Variants in PAPSS2 observed in about 807,000 individuals in gnomAD.
The protein encoded by PAPSS2 is 3'-phosphoadenosine 5'-phosphosulfate synthase 2.
PAPSS2 carries 61 observed loss-of-function variants against 66.5 expected under a neutral mutation model. The observed-to-expected ratio is 0.92, with a 90% CI of 0.75 to 1.14. The LOEUF (loss-of-function observed/expected upper bound fraction) is 1.14, where lower values mean the gene tolerates loss of function less well. PAPSS2 is among the 50% of genes most tolerant of loss of function. The pLI is 0.00. For synonymous variants in PAPSS2, 289 were observed against 287.5 expected, an observed-to-expected ratio of 1.01 and a Z score of -0.05; for missense variants, 708 against 789.6, an observed-to-expected ratio of 0.90 and a Z score of 1.24.
intron 1 of PAPSS2, among the ~76,000 whole-genome samples, chr10:87,670,576 GCACACA>G (rs3221014): frequency 6.7e-6 from 1 of 149,734 alleles, no homozygotes; most frequent in East Asian, 2.0e-4. Flanking sequence ...AAAAGATGGA[GCACACA>G]CACACACACA....
Position 87,672,454 on chromosome 10 carries a change from C to T in PAPSS2, c.27+12446C>T, listed in dbSNP as rs117312375. Among the ~76,000 whole-genome samples the T allele has an allele frequency of 5.7e-4, 87 of 152,288 alleles. No individual in the cohort carries two copies. In the East Asian group the frequency reaches 0.016, roughly 28 times the overall value. ...GATCCTTGGAGTAGAGGAAGTTGTA[C>T]ATTCAAGGTTTTCTACCCTTTTTGT... is the stretch of plus-strand genomic sequence containing the variant. On this transcript the variant is annotated intron_variant, in intron 1 of 12. Coordinates refer to ENST00000456849, the MANE Select transcript of PAPSS2 (RefSeq NM_001015880.2).
intron 1 of PAPSS2, among the ~76,000 whole-genome samples, chr10:87,665,235 A>G (rs1214957267): frequency 1.3e-5 from 2 of 150,786 alleles, no homozygotes; most frequent in Non-Finnish European, 2.9e-5. Flanking sequence ...TTTTGGAGAC[A>G]GAGTCTCGCA....
At chr10:87,668,160 A>G (rs1852836010) in intron 1 of PAPSS2, among the ~76,000 whole-genome samples, 1 of 152,212 alleles carries the variant, frequency 6.6e-6, no homozygotes, top group African/African-American at 2.4e-5. Context: ...TAAGCAACTC[A>G]AGCATTAGTG....
At position 87,745,933 on chromosome 10, in the gene PAPSS2, T is replaced by C. The variant is rs753697650; in HGVS notation, c.1823T>C (p.Val608Ala). The C allele has an allele frequency of 6.2e-7, 1 of 1,614,046 alleles. No homozygotes were observed. Among genetic ancestry groups the C allele is most frequent in the Non-Finnish European group, 8.5e-7 (1 of 1,179,948 alleles). Residue 608 changes from valine to alanine, a missense_variant, in exon 13 of 13, where the codon GTC becomes GCC. Val to Ala is a moderately conservative substitution (Grantham distance 64). Coordinates refer to ENST00000456849, the MANE Select transcript of PAPSS2 (RefSeq NM_001015880.2). ...DGFMAPKAWK[V>A]LTDYYRSLEK... Reference sequence around the variant, plus strand: ...TTCATGGCCCCCAAAGCATGGAAGGTCCTGACAGATTATTACAGGTCCCTG... The same window carrying C: ...TTCATGGCCCCCAAAGCATGGAAGGCCCTGACAGATTATTACAGGTCCCTG...
rs752864569 is a variant in PAPSS2 at position 87,744,992 on chromosome 10, C to T, written c.1492-10C>T. 4.7e-5 allele frequency: 75 copies of T among 1,611,806 alleles called. No individual in the cohort carries two copies. The highest frequency in any genetic ancestry group is 6.4e-5 in the Non-Finnish European group (75 of 1,178,068). On this transcript the variant is annotated splice_polypyrimidine_tract_variant and intron_variant, in intron 11 of 12. Coordinates refer to ENST00000456849, the MANE Select transcript of PAPSS2 (RefSeq NM_001015880.2). ...CAATGACCAGCATGTCCCTTATGGA[C>T]ATTTTCTAGGTCCAGTGGCACTGCA...
At chr10:87,692,600 GA>G (rs1234417862) in intron 1 of PAPSS2, among the ~76,000 whole-genome samples, 3 of 152,202 alleles carry the variant, frequency 2.0e-5, no homozygotes, top group Non-Finnish European at 2.9e-5. Flanking sequence ...TGCTGTTTTA[GA>G]GATTATTGGC....
chr10:87,707,736 A>G (rs1853411103), intron 1 of PAPSS2, among the ~76,000 whole-genome samples: 1 of 151,238 alleles, frequency 6.6e-6, no homozygotes, highest in Non-Finnish European at 1.5e-5. Context: ...TGCCTGGCTA[A>G]TATGTTTTTA....
At chr10:87,688,100 T>C (rs1853111127) in intron 1 of PAPSS2, among the ~76,000 whole-genome samples, 1 of 152,144 alleles carries the variant, frequency 6.6e-6, no homozygotes, top group African/African-American at 2.4e-5. Context: ...ACTGGAATCT[T>C]ACTATAAAGT....
intron 9 of PAPSS2, among the ~76,000 whole-genome samples, chr10:87,740,232 C>T (rs568806579): frequency 2.0e-4 from 30 of 152,222 alleles, no homozygotes; most frequent in African/African-American, 7.0e-4. Flanking sequence ...CCACCATAAG[C>T]TTGGCAGATT....
chr10:87,717,318 A>T (rs1212837395), intron 7 of PAPSS2, among the ~76,000 whole-genome samples: 1 of 152,208 alleles, frequency 6.6e-6, no homozygotes, highest in African/African-American at 2.4e-5. Context: ...CTCATTACAG[A>T]CAACAAGGTG....
intron 9 of PAPSS2, among the ~76,000 whole-genome samples, chr10:87,732,266 C>T (rs1853739285): frequency 6.6e-6 from 1 of 152,152 alleles, no homozygotes; most frequent in South Asian, 2.1e-4. Flanking sequence ...GGCGCGGTGG[C>T]TCACCCTGTA....
At chr10:87,667,239 A>C (rs1010508448) in intron 1 of PAPSS2, among the ~76,000 whole-genome samples, 2 of 152,156 alleles carry the variant, frequency 1.3e-5, no homozygotes, top group Admixed American at 6.5e-5. Flanking sequence ...GGATCACTTG[A>C]GCGCAGGAGT....
At chr10:87,660,239 T>C (rs933053631) in intron 1 of PAPSS2, 7 of 607,736 alleles carry the variant, frequency 1.2e-5, no homozygotes, top group African/African-American at 9.3e-5. Flanking sequence ...TCTGCGCTCC[T>C]TGGGGTCGCC....
intron 1 of PAPSS2, among the ~76,000 whole-genome samples, chr10:87,670,538 A>T (rs924982276): frequency 6.6e-6 from 1 of 151,900 alleles, no homozygotes; most frequent in Non-Finnish European, 1.5e-5. Context: ...GAAGGTTCAT[A>T]TTCCCATTCT....
intron 1 of PAPSS2, among the ~76,000 whole-genome samples, chr10:87,687,090 T>G (rs1433416159): frequency 6.6e-6 from 1 of 152,212 alleles, no homozygotes; most frequent in Non-Finnish European, 1.5e-5. Flanking sequence ...CAATATATTT[T>G]CAGCACAATT....
intron 2 of PAPSS2, among the ~76,000 whole-genome samples, chr10:87,712,093 G>A (rs995630164): frequency 1.3e-5 from 2 of 152,076 alleles, no homozygotes; most frequent in Non-Finnish European, 2.9e-5. Flanking sequence ...ATTGTGCTTT[G>A]AAACCATGGT....
In PAPSS2 at chr10:87,677,075, T is replaced by C. The variant is rs182651917; in HGVS notation, c.27+17067T>C. On this transcript the variant is annotated intron_variant, in intron 1 of 12. Transcript: ENST00000456849. The stretch of plus-strand genomic sequence containing the variant: ...CGGGCATGGCAGCACACTCCTGTAA[T>C]CCCAGCTACTCCAGAGATTGAGGCA... 1.5e-3 allele frequency among the ~76,000 whole-genome samples: 222 copies of C among 151,912 alleles called. 1 individual carries two copies. The East Asian group carries it at 0.037, about 25-fold the overall frequency.
Position 87,741,318 on chromosome 10 carries a change from AT to A in PAPSS2, c.1171del (p.Tyr391ThrfsTer3). 6 of 1,613,814 alleles carry A rather than the reference AT, an allele frequency of 3.7e-6. No individual in the cohort carries two copies. Among genetic ancestry groups the A allele is most frequent in the Non-Finnish European group, 5.1e-6 (6 of 1,179,668 alleles). ...TAAGATGGAATGATGGGCTGGACCAATACCGTCTGACACCTCTGGAGCTCAA... is the reference window on the plus strand; with the variant it reads ...TAAGATGGAATGATGGGCTGGACCAAACCGTCTGACACCTCTGGAGCTCAA... ...KIRWNDGLDQ[Y>X]RLTPLELKQK... On this transcript the variant is annotated frameshift_variant, in exon 10 of 13. Coordinates refer to ENST00000456849, the MANE Select transcript of PAPSS2 (RefSeq NM_001015880.2). LOFTEE classifies it high-confidence loss of function.
Position 87,703,504 on chromosome 10 carries a change from T to C in PAPSS2, c.28-5692T>C, listed in dbSNP as rs151184961. Among the ~76,000 whole-genome samples the C allele has an allele frequency of 9.4e-3, 1,436 of 152,272 alleles. 35 individuals are homozygous for C. Among genetic ancestry groups the C allele is most frequent in the African/African-American group, 0.032 (1,338 of 41,540 alleles). ...ACTGATCAGATCCAACATCCTACCATGAGTCTGGTATTTTCTTTGCTATTT... is the reference window on the plus strand; with the variant it reads ...ACTGATCAGATCCAACATCCTACCACGAGTCTGGTATTTTCTTTGCTATTT... On this transcript the variant is annotated intron_variant, in intron 1 of 12. Transcript: ENST00000456849.
Sources: allele counts gnomAD v4.1 joint callset (sites outside exome capture counted in the v4.1 genomes callset), GRCh38; gene constraint gnomAD v4.1.1; transcripts MANE v1.5; gene names NCBI Gene and HGNC (gene_info 2026-07-23, HGNC 2026-07-21).